The following TMEM182 variants were observed in gnomAD, a reference collection of about 807,000 sequenced individuals.
TMEM182 encodes the protein transmembrane protein 182.
Under a neutral mutation model 26.8 loss-of-function variants are expected in TMEM182, and 20 were observed. That is an observed-to-expected ratio of 0.75 (90% CI 0.53 to 1.09). The LOEUF is 1.09. Among genes scored for constraint, TMEM182 ranks in the 50% least tolerant of loss-of-function variants. TMEM182 has a pLI of 0.00. For synonymous variants in TMEM182, 109 were observed against 102.2 expected (o/e 1.07, Z -0.40); for missense variants, 277 against 275.5 (o/e 1.01, Z -0.04).
chr2:102,835,047 G>C (rs897959426), intron 3 of TMEM182, among the ~76,000 whole-genome samples: 8 of 152,132 alleles, frequency 5.3e-5, no homozygotes, highest in Non-Finnish European at 1.0e-4. Context: ...ATTGTGGGGG[G>C]CGGGGATGGG....
intron 4 of TMEM182, among the ~76,000 whole-genome samples, chr2:102,812,136 T>A (rs1321330375): frequency 6.6e-6 from 1 of 152,200 alleles, no homozygotes; most frequent in Non-Finnish European, 1.5e-5. Context: ...ACTGTAGGGT[T>A]TATTTTAGCT....
At chr2:102,812,418 C>T (rs1366293139) in intron 4 of TMEM182, among the ~76,000 whole-genome samples, 1 of 150,890 alleles carries the variant, frequency 6.6e-6, no homozygotes, top group African/African-American at 2.4e-5. Context: ...CACACACACA[C>T]ACACACACAC....
chr2:102,812,886 G>C (rs1404772371), intron 4 of TMEM182, among the ~76,000 whole-genome samples: 1 of 152,182 alleles, frequency 6.6e-6, no homozygotes, highest in African/African-American at 2.4e-5. Context: ...AGGCAACACT[G>C]TCTATATATT....
At chr2:102,787,441 C>A (rs546345565) in intron 3 of TMEM182, among the ~76,000 whole-genome samples, 1 of 152,218 alleles carries the variant, frequency 6.6e-6, no homozygotes, top group South Asian at 2.1e-4. Context: ...ACTCTCATAA[C>A]CTCATCTAAA....
rs147305207 is a variant in TMEM182 at position 102,797,995 on chromosome 2, C to G, written c.464C>G (p.Ala155Gly). 8 of 1,613,662 alleles carry G rather than the reference C, an allele frequency of 5.0e-6. No individual in the cohort carries two copies. The African/African-American group carries it at 1.1e-4, about 22-fold the overall frequency. Residue 155 changes from alanine to glycine, a missense_variant, in exon 4 of 5, where the codon GCT (alanine) becomes GGT (glycine). Coordinates refer to ENST00000412401, the MANE Select transcript of TMEM182 (RefSeq NM_144632.5). ...AAAGCTGGGGGAGGCTCATATATTG[C>G]TGCAGGTACGTACGGTGCAATGGGT... Reference protein sequence around the residue: ...LYKAGGGSYIAAGILFSLVVM... With the variant: ...LYKAGGGSYIGAGILFSLVVM...
chr2:102,802,670 G>T (rs1036335377), intron 4 of TMEM182, among the ~76,000 whole-genome samples: 3 of 152,160 alleles, frequency 2.0e-5, no homozygotes, highest in African/African-American at 7.2e-5. Flanking sequence ...TCTAAACATT[G>T]GCTTATATGA....
intron 4 of TMEM182, among the ~76,000 whole-genome samples, chr2:102,802,390 G>A (rs184675551): frequency 3.3e-5 from 5 of 152,298 alleles, no homozygotes; most frequent in Admixed American, 1.3e-4. Context: ...CTACACTTGG[G>A]CAGAGACTTC....
chr2:102,766,384 T>A (rs1478095782), intron 3 of TMEM182, among the ~76,000 whole-genome samples: 4 of 152,336 alleles, frequency 2.6e-5, no homozygotes, highest in South Asian at 2.1e-4. Context: ...CCAATTTTTT[T>A]AAATTATCAA....
At chr2:102,794,901 G>A (rs968607038) in intron 3 of TMEM182, among the ~76,000 whole-genome samples, 1 of 152,018 alleles carries the variant, frequency 6.6e-6, no homozygotes, top group Non-Finnish European at 1.5e-5. Flanking sequence ...AATATCTACG[G>A]CCTCTGCTTT....
At chr2:102,842,065 C>T (rs1573585259) in intron 3 of TMEM182, among the ~76,000 whole-genome samples, 2 of 152,074 alleles carry the variant, frequency 1.3e-5, no homozygotes, top group Non-Finnish European at 2.9e-5. Context: ...ATTTTGAATA[C>T]ATTCTGTTTA....
chr2:102,822,153 A>T (rs73005402), downstream of TMEM182, among the ~76,000 whole-genome samples: 2,266 of 152,248 alleles, frequency 0.015, 60 homozygotes, highest in African/African-American at 0.051. Context: ...AAACAGTTAG[A>T]TTAGGCAGTT....
intron 1 of TMEM182, among the ~76,000 whole-genome samples, chr2:102,754,097 A>G (rs1679964581): frequency 6.6e-6 from 1 of 152,176 alleles, no homozygotes; most frequent in Non-Finnish European, 1.5e-5. Flanking sequence ...GGCAGTAAAA[A>G]TCTGTTTCAA....
chr2:102,752,500 C>G (rs1442780686), intron 1 of TMEM182, among the ~76,000 whole-genome samples: 1 of 152,188 alleles, frequency 6.6e-6, no homozygotes, highest in African/African-American at 2.4e-5. Context: ...GTGGCAGCAC[C>G]TTCAGCAGGC....
intron 4 of TMEM182, among the ~76,000 whole-genome samples, 186 bp downstream of exon 4, chr2:102,798,186 G>A (rs773131001): frequency 1.1e-4 from 17 of 151,950 alleles, no homozygotes; most frequent in Non-Finnish European, 2.4e-4. Flanking sequence ...ACTGTGTGTC[G>A]GACACTTTTC....
At chr2:102,773,402 A>G (rs1680765831) in intron 3 of TMEM182, among the ~76,000 whole-genome samples, 1 of 151,912 alleles carries the variant, frequency 6.6e-6, no homozygotes, top group African/African-American at 2.4e-5. Flanking sequence ...GGGAAAGCAC[A>G]TCTCTGACAT....
At chr2:102,819,592 T>C (rs1290901485), downstream of TMEM182, among the ~76,000 whole-genome samples, 1 of 152,194 alleles carries the variant, frequency 6.6e-6, no homozygotes, top group Admixed American at 6.5e-5. Flanking sequence ...TGTATGCATA[T>C]AGAATACATA....
intron 4 of TMEM182, among the ~76,000 whole-genome samples, chr2:102,807,949 A>T (rs906368433): frequency 3.3e-5 from 5 of 152,196 alleles, no homozygotes; most frequent in African/African-American, 1.2e-4. Flanking sequence ...CCTATATACA[A>T]CATGATTTGT....
intron 3 of TMEM182, among the ~76,000 whole-genome samples, chr2:102,790,251 T>A (rs1387332628): frequency 1.9e-4 from 29 of 152,240 alleles, no homozygotes; most frequent in Non-Finnish European, 2.9e-5. Context: ...TAAGCAAGCC[T>A]GGCAAGGCCC....
In TMEM182 at chr2:102,838,556, C is replaced by T. The variant is rs991583492; in HGVS notation, c.326-4856C>T. On this transcript the variant is annotated intron_variant, in intron 3 of 3. Transcript: ENST00000486293. ...GTCCTCTCTGCCTCTTGGTAATTCGCAGTGTGCATTGGCTATTTTCCTAAT... is the reference window on the plus strand; with the variant it reads ...GTCCTCTCTGCCTCTTGGTAATTCGTAGTGTGCATTGGCTATTTTCCTAAT... 3.9e-5 allele frequency among the ~76,000 whole-genome samples: 6 copies of T among 152,248 alleles called. No homozygotes were observed. In the South Asian group the frequency reaches 8.3e-4, roughly 21 times the overall value.
Sources: gnomAD v4.1 joint callset for allele counts (sites outside exome capture counted in the v4.1 genomes callset) on GRCh38, gnomAD v4.1.1 for gene constraint, MANE v1.5 for transcripts, NCBI Gene and HGNC (gene_info 2026-07-23, HGNC 2026-07-21) for gene names.